ARSJ: variants seen among roughly 807,000 people sequenced by gnomAD.
The protein encoded by ARSJ is arylsulfatase J.
A neutral mutation model predicts 35.9 loss-of-function variants in ARSJ; 26 were observed. That is an observed-to-expected ratio of 0.72 (90% CI 0.53 to 1.00). The LOEUF is 1.00. ARSJ is among the 50% of genes least tolerant of loss of function. The probability of loss-of-function intolerance (pLI) is 0.00; values close to 1 mark genes in which losing one functional copy is unlikely to be tolerated. For synonymous variants in ARSJ, 294 were observed against 267.6 expected (o/e 1.10, Z -0.96); for missense variants, 667 against 723.6 (o/e 0.92, Z 0.90).
At chr4:113,952,353 C>G (rs1252265174) in intron 1 of ARSJ, among the ~76,000 whole-genome samples, 6 of 152,084 alleles carry the variant, frequency 3.9e-5, no homozygotes, top group Non-Finnish European at 8.8e-5. Flanking sequence ...AATCAGGGAA[C>G]CACAGTCAAC....
intron 1 of ARSJ, among the ~76,000 whole-genome samples, chr4:113,912,735 ATGTG>A (rs34936997): frequency 0.11 from 16,589 of 147,070 alleles, 1,272 homozygotes; most frequent in East Asian, 0.21. Context: ...ATAAATGAGA[ATGTG>A]TGTGTGTGTG....
rs1158621235 is a variant in ARSJ at position 113,978,739 on chromosome 4, T to C, written c.96A>G (p.Gly32=). 6.2e-7 allele frequency: 1 copy of C among 1,614,204 alleles called. No homozygotes were observed. Among genetic ancestry groups the C allele is most frequent in the African/African-American group, 1.3e-5 (1 of 75,060 alleles). The change falls in exon 1 of 2, where the codon GGA becomes GGG. Residue 32 remains glycine, a synonymous_variant. Transcript: ENST00000315366. ...GKMLAMGALA[G]FWILCLLTYG... is the part of the protein sequence containing the mutation. ...AAGTGAGGAGGCAGAGGATCCAGAA[T>C]CCTGCCAGCGCCCCCATTGCTAGCA...
intron 1 of ARSJ, among the ~76,000 whole-genome samples, chr4:113,954,627 A>C (rs950771668): frequency 1.2e-4 from 18 of 152,090 alleles, no homozygotes; most frequent in African/African-American, 4.1e-4. Flanking sequence ...CCAAAGATTT[A>C]CATAGTTATT....
chr4:113,924,066 A>ATATAT (rs1723874969), intron 1 of ARSJ, among the ~76,000 whole-genome samples: 3 of 107,506 alleles, frequency 2.8e-5, no homozygotes, highest in African/African-American at 1.5e-4. Flanking sequence ...AATATATATA[A>ATATAT]ATATATATAA....
At chr4:113,950,514 A>G (rs1012964840) in intron 1 of ARSJ, among the ~76,000 whole-genome samples, 1 of 152,056 alleles carries the variant, frequency 6.6e-6, no homozygotes, top group Non-Finnish European at 1.5e-5. Flanking sequence ...AACATTATCC[A>G]ACAGTTGTGA....
intron 1 of ARSJ, among the ~76,000 whole-genome samples, chr4:113,950,200 CT>C (rs1368170664): frequency 1.3e-5 from 2 of 152,080 alleles, no homozygotes; most frequent in Non-Finnish European, 2.9e-5. Context: ...ACAGCTTCTC[CT>C]TTTCCCTCCC....
intron 1 of ARSJ, among the ~76,000 whole-genome samples, chr4:113,950,381 T>A (rs948769990): frequency 6.6e-6 from 1 of 152,056 alleles, no homozygotes; most frequent in Non-Finnish European, 1.5e-5. Flanking sequence ...AAGCTATTCC[T>A]AGCATAGCAG....
chr4:113,937,206 A>G (rs1313321848), intron 1 of ARSJ, among the ~76,000 whole-genome samples: 1 of 151,932 alleles, frequency 6.6e-6, no homozygotes, highest in Non-Finnish European at 1.5e-5. Context: ...CACATTATTT[A>G]GGTTATACTT....
At chr4:113,975,538 T>C (rs1024048706) in intron 1 of ARSJ, among the ~76,000 whole-genome samples, 2 of 152,184 alleles carry the variant, frequency 1.3e-5, no homozygotes, top group Admixed American at 6.6e-5. Flanking sequence ...AGGCAGTCAC[T>C]TTCCCAATCA....
intron 1 of ARSJ, among the ~76,000 whole-genome samples, chr4:113,936,335 C>T (rs1316151836): frequency 6.6e-6 from 1 of 151,558 alleles, no homozygotes; most frequent in Non-Finnish European, 1.5e-5. Flanking sequence ...TGTCATTGAG[C>T]AGGATACTAT....
intron 1 of ARSJ, among the ~76,000 whole-genome samples, chr4:113,936,837 T>C (rs1467611068): frequency 2.0e-5 from 3 of 151,882 alleles, no homozygotes; most frequent in African/African-American, 7.2e-5. Flanking sequence ...AAATCACCTC[T>C]GAGAATACAA....
intron 1 of ARSJ, among the ~76,000 whole-genome samples, chr4:113,949,661 C>A (rs991135634): frequency 6.6e-6 from 1 of 152,096 alleles, no homozygotes; most frequent in African/African-American, 2.4e-5. Context: ...AGTGTTATTG[C>A]GGATTTAGTC....
intron 1 of ARSJ, among the ~76,000 whole-genome samples, chr4:113,912,406 G>T (rs988320597): frequency 6.6e-6 from 1 of 152,058 alleles, no homozygotes; most frequent in Non-Finnish European, 1.5e-5. Flanking sequence ...TTAGTAGAAT[G>T]GTGTGGGAAG....
At chr4:113,942,374 C>G (rs7679735) in intron 1 of ARSJ, among the ~76,000 whole-genome samples, 54,891 of 151,600 alleles carry the variant, frequency 0.36, 10,717 homozygotes, top group African/African-American at 0.51. Context: ...TACAAAGTAC[C>G]TAAAATATAG....
chr4:113,906,057 A>C (rs1284701714), intron 1 of ARSJ, among the ~76,000 whole-genome samples: 1 of 152,214 alleles, frequency 6.6e-6, no homozygotes, highest in Non-Finnish European at 1.5e-5. Context: ...TGTTTTCTAA[A>C]ATTAGAAAAA....
intron 1 of ARSJ, among the ~76,000 whole-genome samples, chr4:113,967,587 G>A (rs1441319541): frequency 6.6e-6 from 1 of 151,978 alleles, no homozygotes. Flanking sequence ...GTTAGACATA[G>A]GTGTACAATC....
rs987979479 is a variant in ARSJ, at chr4:113,979,264, G to A, written c.-430C>T. The A allele has an allele frequency of 1.2e-5, 2 of 161,588 alleles. No individual in the cohort carries two copies. Among genetic ancestry groups the A allele is most frequent in the African/African-American group, 2.4e-5 (1 of 41,584 alleles). 10.0% of individuals were successfully genotyped at this position (161,588 alleles called of 1,614,324 possible). A position where few individuals can be genotyped will look rare whatever the true frequency, so the allele number is the denominator to read the frequency against. On this transcript the variant is annotated 5_prime_UTR_variant, in exon 1 of 2. Coordinates refer to ENST00000315366, the MANE Select transcript of ARSJ (RefSeq NM_024590.4). ...CTCTCCTGGGAGTGCTGGTACGGAGGGCGGCGGGATCGGCCGTCTGTCCTG... is the reference window on the plus strand; with the variant it reads ...CTCTCCTGGGAGTGCTGGTACGGAGAGCGGCGGGATCGGCCGTCTGTCCTG...
intron 1 of ARSJ, among the ~76,000 whole-genome samples, chr4:113,917,409 C>A (rs921649317): frequency 2.0e-5 from 3 of 152,104 alleles, no homozygotes; most frequent in African/African-American, 7.2e-5. Context: ...GACACAGATT[C>A]TGAAAGTTAA....
intron 1 of ARSJ, among the ~76,000 whole-genome samples, chr4:113,921,923 C>G (rs1723705294): frequency 6.6e-6 from 1 of 152,092 alleles, no homozygotes; most frequent in African/African-American, 2.4e-5. Flanking sequence ...ATAGTTTAGT[C>G]TATTTGTAAG....
Sources: gnomAD v4.1 joint callset for allele counts (sites outside exome capture counted in the v4.1 genomes callset) on GRCh38, gnomAD v4.1.1 for gene constraint, MANE v1.5 for transcripts, NCBI Gene and HGNC (gene_info 2026-07-23, HGNC 2026-07-21) for gene names.